The following SMC3 variants were observed in gnomAD, a reference collection of about 807,000 sequenced individuals.
The protein encoded by SMC3 is structural maintenance of chromosomes protein 3.
SMC3 carries 20 observed loss-of-function variants against 171.8 expected under a neutral mutation model. The ratio of observed to expected loss-of-function variants is 0.12; its 90% CI spans 0.08 to 0.17. The LOEUF is 0.17. SMC3 is among the 10% of genes least tolerant of loss of function. The pLI is 1.00. For synonymous variants in SMC3, 464 were observed against 451.1 expected (o/e 1.03, Z -0.36); for missense variants, 543 against 1,420.4 (o/e 0.38, Z 9.93).
intron 13 of SMC3, among the ~76,000 whole-genome samples, chr10:110,588,730 T>G (rs78070486): frequency 6.6e-6 from 1 of 152,206 alleles, no homozygotes; most frequent in Non-Finnish European, 1.5e-5. Flanking sequence ...CAGCTCAGTA[T>G]AGTCTACTAA....
chr10:110,605,029 A>G lies in SMC3; in HGVS notation c.*727A>G, dbSNP rs1183465732. Among the ~76,000 whole-genome samples, 2 of 152,162 alleles carry G rather than the reference A, an allele frequency of 1.3e-5. No individual in the cohort carries two copies. Among genetic ancestry groups the G allele is most frequent in the African/African-American group, 4.8e-5 (2 of 41,422 alleles). ...CTTGACAATTTTGAATAATATTCAC[A>G]TATTTTGTAGAATGTCCCTCAAATT... On this transcript the variant is annotated 3_prime_UTR_variant, in exon 29 of 29. Transcript: ENST00000361804.
chr10:110,569,128 T>C lies in SMC3; in HGVS notation c.91+115T>C, dbSNP rs562990065. On this transcript the variant is annotated intron_variant, in intron 2 of 28. Transcript: ENST00000361804. ...AATTGTCTTTGAATATTAAGTTATATTTTTCTGCGTGAAATAACTTTTCTG... is the reference window on the plus strand; with the variant it reads ...AATTGTCTTTGAATATTAAGTTATACTTTTCTGCGTGAAATAACTTTTCTG... 694 of 734,854 alleles carry C rather than the reference T, an allele frequency of 9.4e-4. 4 individuals are homozygous for C. The African/African-American group carries it at 0.011, about 11-fold the overall frequency. 45.5% of individuals were successfully genotyped at this position (734,854 alleles called of 1,614,324 possible).
Position 110,601,956 on chromosome 10 carries a change from CT to C in SMC3, c.2893-9del. 1 of 1,611,050 alleles carries C rather than the reference CT, an allele frequency of 6.2e-7. No homozygotes were observed. Among genetic ancestry groups the C allele is most frequent in the Non-Finnish European group, 8.5e-7 (1 of 1,178,218 alleles). On this transcript the variant is annotated splice_polypyrimidine_tract_variant and intron_variant, in intron 24 of 28. Coordinates refer to ENST00000361804, the MANE Select transcript of SMC3 (RefSeq NM_005445.4). ...ATTTATTTATATGAATACATATTTT[CT>C]CTTTATAGTTGTTTCGAAAACTTGA...
intron 23 of SMC3, 128 bp downstream of exon 23, chr10:110,601,258 T>C: frequency 1.4e-6 from 1 of 732,386 alleles, no homozygotes. Context: ...AAACAATGTA[T>C]AGCAAATGGA....
chr10:110,585,260 G>T (rs1188929476), intron 13 of SMC3, among the ~76,000 whole-genome samples: 1 of 150,402 alleles, frequency 6.6e-6, no homozygotes, highest in Non-Finnish European at 1.5e-5. Flanking sequence ...GGTTACAGGC[G>T]TGAGCCACCG....
intron 19 of SMC3, among the ~76,000 whole-genome samples, 167 bp downstream of exon 19, chr10:110,596,717 C>G (rs1172418502): frequency 1.3e-5 from 2 of 152,038 alleles, no homozygotes; most frequent in Non-Finnish European, 2.9e-5. Flanking sequence ...TTTAATGATT[C>G]TTTGCTTAAG....
intron 18 of SMC3, among the ~76,000 whole-genome samples, chr10:110,595,814 T>C (rs1861290513): frequency 6.6e-6 from 1 of 151,924 alleles, no homozygotes; most frequent in African/African-American, 2.4e-5. Context: ...TTCCCAAATA[T>C]GGCCAGTGGA....
chr10:110,590,833 A>G (rs977914029), intron 16 of SMC3, among the ~76,000 whole-genome samples, 158 bp from the exon 17 acceptor site: 1 of 152,220 alleles, frequency 6.6e-6, no homozygotes, highest in African/African-American at 2.4e-5. Flanking sequence ...ATTATATAGG[A>G]AAAAACTGTT....
At chr10:110,583,680 CAAGT>C (rs1212612733) in intron 11 of SMC3, 132 bp downstream of exon 11, 6 of 1,181,360 alleles carry the variant, frequency 5.1e-6, no homozygotes, top group Non-Finnish European at 7.4e-6. Flanking sequence ...AATTTGTACT[CAAGT>C]AACAACTTGG....
At chr10:110,592,781 A>G (rs1861228813) in intron 17 of SMC3, among the ~76,000 whole-genome samples, 1 of 152,224 alleles carries the variant, frequency 6.6e-6, no homozygotes, top group Non-Finnish European at 1.5e-5. Context: ...TGTCCACAGT[A>G]CACATCTGAT....
chr10:110,583,362 T>C, intron 10 of SMC3, 22 bp from the exon 11 acceptor site: 1 of 1,600,584 alleles, frequency 6.2e-7, no homozygotes, highest in Non-Finnish European at 8.6e-7. Flanking sequence ...TGCCTTATTT[T>C]CTGTTTAATA....
intron 2 of SMC3, among the ~76,000 whole-genome samples, chr10:110,572,434 C>T (rs1860886059): frequency 6.6e-6 from 1 of 152,062 alleles, no homozygotes; most frequent in Non-Finnish European, 1.5e-5. Flanking sequence ...CTTTAGTCTC[C>T]TTTAATCTGG....
Position 110,578,715 on chromosome 10 carries a change from A to C in SMC3, c.429+9A>C. ...TTGTTAAACAAGGAAAGGTAAAACA[A>C]TTGTATGTCCTTTTTAAGTAGAATT... On this transcript the variant is annotated intron_variant, in intron 7 of 28. Transcript: ENST00000361804. The C allele has an allele frequency of 1.3e-6, 2 of 1,576,056 alleles. No individual in the cohort carries two copies. Among genetic ancestry groups the C allele is most frequent in the South Asian group, 2.3e-5 (2 of 88,766 alleles).
chr10:110,598,063 G>A (rs1861328857), intron 19 of SMC3, 76 bp from the exon 20 acceptor site: 2 of 1,309,080 alleles, frequency 1.5e-6, no homozygotes, highest in Non-Finnish European at 2.2e-6. Flanking sequence ...AGGGATACAT[G>A]GTGTTGTGTC....
intron 7 of SMC3, among the ~76,000 whole-genome samples, chr10:110,579,185 C>T (rs1187583163): frequency 1.3e-5 from 2 of 152,022 alleles, no homozygotes; most frequent in Non-Finnish European, 2.9e-5. Context: ...GCTGATTGTT[C>T]TGCTCTCTTC....
At chr10:110,576,182 T>G (rs900749537) in intron 4 of SMC3, among the ~76,000 whole-genome samples, 1 of 152,230 alleles carries the variant, frequency 6.6e-6, no homozygotes, top group Non-Finnish European at 1.5e-5. Flanking sequence ...ATCTGTCATA[T>G]AATTTATTGA....
intron 4 of SMC3, among the ~76,000 whole-genome samples, 199 bp from the exon 5 acceptor site, chr10:110,577,222 C>A (rs1233676557): frequency 2.6e-5 from 4 of 152,054 alleles, no homozygotes; most frequent in Non-Finnish European, 1.5e-5. Flanking sequence ...TACTATAACT[C>A]TGGGGATATC....
chr10:110,605,836 T>C lies in SMC3; in HGVS notation c.*1534T>C, dbSNP rs11195216. ...TTCATCATGAATGCTTGGTGTATAG[T>C]TTACGATTTGTAGAGTTGCTCTGAT... On this transcript the variant is annotated 3_prime_UTR_variant, in exon 29 of 29. Coordinates refer to ENST00000361804, the MANE Select transcript of SMC3 (RefSeq NM_005445.4). 0.12 allele frequency among the ~76,000 whole-genome samples: 17,771 copies of C among 152,188 alleles called. 1,223 individuals are homozygous for C. Among genetic ancestry groups the C allele is most frequent in the East Asian group, 0.26 (1,351 of 5,170 alleles).
Position 110,580,901 on chromosome 10 carries a change from T to C in SMC3, c.430-3T>C, listed in dbSNP as rs908094253. 4 of 1,534,242 alleles carry C rather than the reference T, an allele frequency of 2.6e-6. No homozygotes were observed. The African/African-American group carries it at 5.4e-5, about 21-fold the overall frequency. On this transcript the variant is annotated splice_polypyrimidine_tract_variant and splice_region_variant and intron_variant, in intron 7 of 28. Transcript: ENST00000361804. Reference sequence around the variant, plus strand: ...GTAATGATTATTTTTCTAAAAATTTTAGATCAACCAGATGGCAACAGCACC... The same window carrying C: ...GTAATGATTATTTTTCTAAAAATTTCAGATCAACCAGATGGCAACAGCACC...
Sources: gnomAD v4.1 joint callset for allele counts (sites outside exome capture counted in the v4.1 genomes callset) on GRCh38, gnomAD v4.1.1 for gene constraint, MANE v1.5 for transcripts, NCBI Gene and HGNC (gene_info 2026-07-23, HGNC 2026-07-21) for gene names.